ADAMTS10: variants seen among roughly 807,000 people sequenced by gnomAD.
ADAMTS10 encodes the protein A disintegrin and metalloproteinase with thrombospondin motifs 10.
ADAMTS10 carries 48 observed loss-of-function variants against 135.9 expected under a neutral mutation model. The observed-to-expected ratio is 0.35, with a 90% CI of 0.28 to 0.45. The LOEUF (loss-of-function observed/expected upper bound fraction) is 0.45. Among genes scored for constraint, ADAMTS10 ranks in the 20% least tolerant of loss-of-function variants. The pLI is 1.00. For missense variants in ADAMTS10, 1,131 were observed against 1,565.2 expected, an observed-to-expected ratio of 0.72 and a Z score of 4.68; for synonymous variants, 621 against 647.5, an observed-to-expected ratio of 0.96 and a Z score of 0.62.
In ADAMTS10 at chr19:8,600,655, C is replaced by T. The variant is rs148587048; in HGVS notation, c.810+273G>A. Among the ~76,000 whole-genome samples the T allele has an allele frequency of 0.025, 3,815 of 152,046 alleles. 150 individuals carry two copies. The highest frequency in any genetic ancestry group is 0.087 in the African/African-American group (3,589 of 41,466). On this transcript the variant is annotated intron_variant, in intron 6 of 25. Coordinates refer to ENST00000597188, the MANE Select transcript of ADAMTS10 (RefSeq NM_030957.4). ...CTGGGACTACAGGCGCCCGCCACCA[C>T]ACTCGGCTAATTTTTTGTATTTTTA...
At chr19:8,584,846 G>C in intron 25 of ADAMTS10, 49 bp downstream of exon 25, 1 of 1,545,758 alleles carries the variant, frequency 6.5e-7, no homozygotes, top group Non-Finnish European at 8.7e-7. Context: ...CTCTGTGGCT[G>C]CCTCTGGCCA....
chr19:8,602,234 A>G (rs2042676221), intron 5 of ADAMTS10, among the ~76,000 whole-genome samples: 1 of 152,174 alleles, frequency 6.6e-6, no homozygotes, highest in Admixed American at 6.5e-5. Flanking sequence ...CTGTGGCTGT[A>G]TGTCTACCAC....
chr19:8,595,824 A>T lies in ADAMTS10; in HGVS notation c.1417T>A (p.Tyr473Asn). The T allele has an allele frequency of 6.2e-7, 1 of 1,614,150 alleles. No individual in the cohort carries two copies. The highest frequency in any genetic ancestry group is 8.5e-7 in the Non-Finnish European group (1 of 1,180,042). ...VYPTVAPGQA[Y>N]DADEQCRFQH... is the part of the protein sequence containing the mutation. ...AAGCGGCATTGCTCATCTGCATCGTAGGCTTGGCCCGGTGCCACTGTCGGG... is the reference window on the plus strand; with the variant it reads ...AAGCGGCATTGCTCATCTGCATCGTTGGCTTGGCCCGGTGCCACTGTCGGG... The change falls in exon 12 of 26, where the codon TAC becomes AAC. Residue 473 changes from tyrosine to asparagine, a missense_variant. By Grantham distance (143) the Tyr-to-Asn change is moderately radical. Around this residue, in one of 3 missense-constraint regions of ADAMTS10, gnomAD observed 745 missense variants for 1,056.3 expected, o/e 0.71. Coordinates refer to ENST00000597188, the MANE Select transcript of ADAMTS10 (RefSeq NM_030957.4).
At chr19:8,608,902 G>C (rs1006203468) in intron 1 of ADAMTS10, among the ~76,000 whole-genome samples, 2 of 151,712 alleles carry the variant, frequency 1.3e-5, no homozygotes, top group African/African-American at 4.8e-5. Context: ...ACAGTGTATG[G>C]GGTAGGGGGA....
rs112970413 is a variant in ADAMTS10 at position 8,592,114 on chromosome 19, G to A, written c.1588-11C>T. On this transcript the variant is annotated splice_polypyrimidine_tract_variant and intron_variant, in intron 13 of 25. Transcript: ENST00000597188. The stretch of plus-strand genomic sequence containing the variant: ...CCGTTTGTAGCACCACTGGGTGGGG[G>A]GAGACAGGAAGGAGTGAGTCCAGCC... The A allele has an allele frequency of 2.3e-4, 377 of 1,613,614 alleles. 2 individuals carry two copies. In the African/African-American group the frequency reaches 4.5e-3, roughly 19 times the overall value.
chr19:8,592,168 G>C, intron 13 of ADAMTS10, 65 bp from the exon 14 acceptor site: 1 of 1,608,390 alleles, frequency 6.2e-7, no homozygotes, highest in Non-Finnish European at 8.5e-7. Context: ...CCCATGCACC[G>C]TTCCCCACTC....
At chr19:8,595,221 C>T (rs1461126317) in intron 12 of ADAMTS10, among the ~76,000 whole-genome samples, 1 of 152,076 alleles carries the variant, frequency 6.6e-6, no homozygotes, top group East Asian at 1.9e-4. Context: ...GGGAGTGGAA[C>T]CTCCTGCCCC....
intron 11 of ADAMTS10, 64 bp from the exon 12 acceptor site, chr19:8,595,967 G>A (rs551641639): frequency 1.2e-6 from 2 of 1,613,988 alleles, no homozygotes; most frequent in Admixed American, 3.3e-5. Context: ...AGGAGCCTCA[G>A]CTGGATGGGG....
At chr19:8,586,296 AG>A in intron 21 of ADAMTS10, 45 bp from the exon 22 acceptor site, 1 of 1,613,378 alleles carries the variant, frequency 6.2e-7, no homozygotes, top group Non-Finnish European at 8.5e-7. Context: ...CCCGGCCCAG[AG>A]AACCTCAGCC....
chr19:8,596,743 G>T lies in ADAMTS10; in HGVS notation c.1041-158C>A, dbSNP rs2042610073. Among the ~76,000 whole-genome samples the T allele has an allele frequency of 6.6e-6, 1 of 152,142 alleles. No individual in the cohort carries two copies. Among genetic ancestry groups the T allele is most frequent in the Admixed American group, 6.5e-5 (1 of 15,276 alleles). On this transcript the variant is annotated intron_variant, in intron 8 of 25. Coordinates refer to ENST00000597188, the MANE Select transcript of ADAMTS10 (RefSeq NM_030957.4). This position sits in a 1 kb window ranked among gnomAD's most constrained non-coding sequence, Gnocchi z 7.2. The stretch of plus-strand genomic sequence containing the variant: ...GGAGTGACTGACCACATGAATGAAT[G>T]AATGCATGCATGCATGCATGAGTGG...
At chr19:8,595,207 A>G (rs2042587843) in intron 12 of ADAMTS10, among the ~76,000 whole-genome samples, 1 of 151,770 alleles carries the variant, frequency 6.6e-6, no homozygotes, top group African/African-American at 2.4e-5. Flanking sequence ...TCCTGGGGGG[A>G]GCTGGGAGTG....
At position 8,606,169 on chromosome 19, in the gene ADAMTS10, T is replaced by C. The variant is rs570006116; in HGVS notation, c.-99-360A>G. Among the ~76,000 whole-genome samples the C allele has an allele frequency of 4.6e-5, 7 of 152,138 alleles. No individual in the cohort carries two copies. In the South Asian group the frequency reaches 1.5e-3, roughly 32 times the overall value. Reference sequence around the variant, plus strand: ...TCCACTGCCTGGGCTCAAATAATCCTCCTGCTTCAGCCTCCCAAGTAGCTG... The same window carrying C: ...TCCACTGCCTGGGCTCAAATAATCCCCCTGCTTCAGCCTCCCAAGTAGCTG... On this transcript the variant is annotated intron_variant, in intron 2 of 25. Coordinates refer to ENST00000597188, the MANE Select transcript of ADAMTS10 (RefSeq NM_030957.4).
At chr19:8,594,184 T>C (rs2042577395) in intron 12 of ADAMTS10, among the ~76,000 whole-genome samples, 1 of 152,202 alleles carries the variant, frequency 6.6e-6, no homozygotes, top group African/African-American at 2.4e-5. Context: ...CACTGTGGCA[T>C]ATTTGAGTTG....
At chr19:8,592,274 A>G in intron 13 of ADAMTS10, 171 bp from the exon 14 acceptor site, 8 of 1,361,226 alleles carry the variant, frequency 5.9e-6, no homozygotes, top group Non-Finnish European at 7.9e-6. Flanking sequence ...GTGGTCTGGG[A>G]GACAGACCAG....
rs782738209 is a variant in ADAMTS10, at chr19:8,601,036, C to T, written c.702G>A (p.Ser234=). ...TERGQPGLKR[S]VSRERYVETL... ...TCTCCACGTAGCGCTCTCGGCTGACCGATCGCTTCAGGCCTGGCTGGCCAC... is the reference window on the plus strand; with the variant it reads ...TCTCCACGTAGCGCTCTCGGCTGACTGATCGCTTCAGGCCTGGCTGGCCAC... The change falls in exon 6 of 26, where the codon TCG becomes TCA. Residue 234 remains serine (S), a synonymous_variant. Coordinates refer to ENST00000597188, the MANE Select transcript of ADAMTS10 (RefSeq NM_030957.4). The surrounding 1 kb of genome is among the most constrained non-coding windows in gnomAD (Gnocchi z 4.6). The T allele has an allele frequency of 1.5e-5, 25 of 1,614,056 alleles. No homozygotes were observed. Among genetic ancestry groups the T allele is most frequent in the East Asian group, 6.7e-5 (3 of 44,900 alleles).
rs782377043 is a variant in ADAMTS10 at position 8,585,598 on chromosome 19, G to C, written c.2723C>G (p.Ser908Trp). The C allele has an allele frequency of 3.7e-6, 6 of 1,610,216 alleles. No homozygotes were observed. The East Asian group carries it at 1.1e-4, about 30-fold the overall frequency. Reference sequence around the variant, plus strand: ...AGAGACGCGGCGCTGGCACACGACCGAGCGGCTGCGCACGCCTGCATCGCA... The same window carrying C: ...AGAGACGCGGCGCTGGCACACGACCCAGCGGCTGCGCACGCCTGCATCGCA... ...RSCDAGVRSR[S>W]VVCQRRVSAA... Residue 908 changes from serine (S) to tryptophan (W), a missense_variant, in exon 23 of 26, where the codon TCG becomes TGG. By Grantham distance (177) the Ser-to-Trp change is radical. Transcript: ENST00000597188.
intron 14 of ADAMTS10, 40 bp downstream of exon 14, chr19:8,591,918 G>A (rs1555739025): frequency 1.2e-6 from 2 of 1,611,556 alleles, no homozygotes; most frequent in Non-Finnish European, 1.7e-6. Flanking sequence ...TGGGGGCAGG[G>A]GTCGCGCTGC....
Position 8,580,434 on chromosome 19 carries a change from CT to C in ADAMTS10, c.*458del. On this transcript the variant is annotated 3_prime_UTR_variant, in exon 26 of 26. Coordinates refer to ENST00000597188, the MANE Select transcript of ADAMTS10 (RefSeq NM_030957.4). ...AGGGGAGGGTGTCAGGGAGGTGGTG[CT>C]ACCCCCCCCCCTCCCATAGCAGACA... The C allele has an allele frequency of 8.0e-6, 1 of 125,366 alleles. No individual in the cohort carries two copies. Among genetic ancestry groups the C allele is most frequent in the Non-Finnish European group, 1.6e-5 (1 of 63,682 alleles). 7.8% of individuals were successfully genotyped at this position (125,366 alleles called of 1,614,324 possible).
intron 1 of ADAMTS10, among the ~76,000 whole-genome samples, chr19:8,609,189 A>G (rs2042753894): frequency 7.3e-6 from 1 of 137,304 alleles, no homozygotes; most frequent in South Asian, 3.0e-4. Flanking sequence ...TGTGATTGTG[A>G]GCGTGTGACT....
Sources: allele counts gnomAD v4.1 joint callset (sites outside exome capture counted in the v4.1 genomes callset), GRCh38; gene constraint gnomAD v4.1.1; regional missense constraint gnomAD v4.1.1; non-coding constraint Gnocchi (gnomAD v3.1); transcripts MANE v1.5; gene names NCBI Gene and HGNC (gene_info 2026-07-23, HGNC 2026-07-21).